PLCB1: variants seen among roughly 807,000 people sequenced by gnomAD.
PLCB1 encodes the protein phospholipase C beta 1, also known as 1-phosphatidylinositol 4,5-bisphosphate phosphodiesterase beta-1.
In PLCB1, 46 loss-of-function variants were observed where a neutral mutation model predicts 161.8. The observed-to-expected ratio is 0.28, with a 90% CI of 0.22 to 0.36. The LOEUF (loss-of-function observed/expected upper bound fraction) is 0.36. Among genes scored for constraint, PLCB1 ranks in the 10% least tolerant of loss-of-function variants. The probability of loss-of-function intolerance (pLI) is 1.00; values close to 1 mark genes in which losing one functional copy is unlikely to be tolerated. For synonymous variants in PLCB1, 517 were observed against 503.7 expected (o/e 1.03, Z -0.35); for missense variants, 1,016 against 1,472.5 (o/e 0.69, Z 5.07).
At chr20:8,847,501 T>G (rs1275177060) in intron 31 of PLCB1, among the ~76,000 whole-genome samples, 1 of 152,110 alleles carries the variant, frequency 6.6e-6, no homozygotes, top group Non-Finnish European at 1.5e-5. Context: ...GGAAGGGAAT[T>G]TTGGTATCTT....
chr20:8,614,313 A>T (rs908439202), intron 3 of PLCB1, among the ~76,000 whole-genome samples: 1 of 152,000 alleles, frequency 6.6e-6, no homozygotes, highest in Non-Finnish European at 1.5e-5. Context: ...TAAGTAAATT[A>T]TCATTCAAGT....
chr20:8,664,707 A>G (rs1421939878), intron 9 of PLCB1, among the ~76,000 whole-genome samples: 5 of 152,174 alleles, frequency 3.3e-5, no homozygotes, highest in Non-Finnish European at 5.9e-5. Context: ...AGGCATGACT[A>G]TATCCAGGAG....
At chr20:8,133,792 A>G (rs936219879) in intron 1 of PLCB1, among the ~76,000 whole-genome samples, 9 of 152,208 alleles carry the variant, frequency 5.9e-5, no homozygotes, top group Admixed American at 6.5e-5. Context: ...TGACTAATAC[A>G]TCTCTTAATC....
chr20:8,726,641 A>G (rs1198566405), intron 16 of PLCB1, among the ~76,000 whole-genome samples: 1 of 151,986 alleles, frequency 6.6e-6, no homozygotes, highest in Non-Finnish European at 1.5e-5. Context: ...ACACAGGGGA[A>G]CCACGCCCAT....
chr20:8,723,916 A>G (rs1979785803), intron 15 of PLCB1, among the ~76,000 whole-genome samples: 1 of 151,288 alleles, frequency 6.6e-6, no homozygotes, highest in Non-Finnish European at 1.5e-5. Context: ...GCCCATTTCC[A>G]CAAAGCAATC....
At chr20:8,277,080 A>C (rs1429479572) in intron 2 of PLCB1, among the ~76,000 whole-genome samples, 1 of 150,886 alleles carries the variant, frequency 6.6e-6, no homozygotes, top group East Asian at 2.0e-4. Flanking sequence ...GGCTCACTGC[A>C]GCCTCCACCT....
chr20:8,859,523 A>G (rs1202103257), intron 31 of PLCB1, among the ~76,000 whole-genome samples: 2 of 152,202 alleles, frequency 1.3e-5, no homozygotes, highest in African/African-American at 4.8e-5. Context: ...GCTGAATTGA[A>G]TAACTTTTCC....
At chr20:8,857,280 G>C (rs546710139) in intron 31 of PLCB1, among the ~76,000 whole-genome samples, 6 of 152,032 alleles carry the variant, frequency 3.9e-5, no homozygotes, top group African/African-American at 1.4e-4. Context: ...AAGAATGGTG[G>C]GTTTTTGAAA....
chr20:8,312,893 G>A (rs1056361888), intron 2 of PLCB1, among the ~76,000 whole-genome samples: 7 of 151,870 alleles, frequency 4.6e-5, no homozygotes, highest in East Asian at 1.9e-4. Flanking sequence ...AATTGTCACC[G>A]TTTGAAGAGT....
rs766860069 is a variant in PLCB1, at chr20:8,790,141, G to T, written c.3337-34G>T. 13 of 1,469,124 alleles carry T rather than the reference G, an allele frequency of 8.8e-6. No homozygotes were observed. The Admixed American group carries it at 2.2e-4, about 25-fold the overall frequency. 91.0% of individuals were successfully genotyped at this position (1,469,124 alleles called of 1,614,324 possible). On this transcript the variant is annotated intron_variant, in intron 30 of 31. Coordinates refer to ENST00000338037, the MANE Select transcript of PLCB1 (RefSeq NM_015192.4). ...GAAAACGTGCACTTTTAAATGTTTAGATGAAAGTAATGTTTCTTGTAACTT... is the reference window on the plus strand; with the variant it reads ...GAAAACGTGCACTTTTAAATGTTTATATGAAAGTAATGTTTCTTGTAACTT...
At chr20:8,852,006 A>G (rs1386888303) in intron 31 of PLCB1, among the ~76,000 whole-genome samples, 2 of 152,090 alleles carry the variant, frequency 1.3e-5, no homozygotes, top group East Asian at 3.9e-4. Context: ...ATTTTTAAAA[A>G]CCCGACTACA....
intron 1 of PLCB1, among the ~76,000 whole-genome samples, chr20:8,146,314 C>T (rs993289040): frequency 1.9e-4 from 29 of 152,304 alleles, no homozygotes; most frequent in African/African-American, 5.8e-4. Context: ...CCCATACCAG[C>T]TTAACTGGCT....
chr20:8,256,128 C>A (rs1981399789), intron 2 of PLCB1, among the ~76,000 whole-genome samples: 1 of 152,072 alleles, frequency 6.6e-6, no homozygotes, highest in African/African-American at 2.4e-5. Context: ...ACACATTTCT[C>A]AGAAATTATC....
intron 3 of PLCB1, among the ~76,000 whole-genome samples, chr20:8,544,159 G>A (rs1001651883): frequency 1.3e-5 from 2 of 151,988 alleles, no homozygotes; most frequent in African/African-American, 2.4e-5. Context: ...GATGTACCTC[G>A]GGTTCTAAAG....
chr20:8,774,465 A>G, intron 26 of PLCB1, 74 bp from the exon 27 acceptor site: 1 of 1,386,730 alleles, frequency 7.2e-7, no homozygotes, highest in Non-Finnish European at 9.8e-7. Context: ...TCTAGGAGGA[A>G]TTCTGGTGAA....
chr20:8,508,496 A>G (rs1010969967), intron 3 of PLCB1, among the ~76,000 whole-genome samples: 1 of 152,208 alleles, frequency 6.6e-6, no homozygotes, highest in Non-Finnish European at 1.5e-5. Flanking sequence ...TTTAGATGGT[A>G]AAGATGGCTG....
intron 3 of PLCB1, among the ~76,000 whole-genome samples, chr20:8,532,822 A>T (rs1302586152): frequency 1.3e-5 from 2 of 152,024 alleles, no homozygotes; most frequent in Non-Finnish European, 2.9e-5. Context: ...GGATGAATGG[A>T]AGGAGGAAAT....
intron 3 of PLCB1, among the ~76,000 whole-genome samples, chr20:8,451,285 T>C (rs1377559289): frequency 6.6e-6 from 1 of 152,216 alleles, no homozygotes; most frequent in Non-Finnish European, 1.5e-5. Context: ...AATTTGCATT[T>C]GGATAAAAAT....
intron 2 of PLCB1, among the ~76,000 whole-genome samples, chr20:8,164,183 G>A (rs1308653171): frequency 6.6e-6 from 1 of 152,108 alleles, no homozygotes; most frequent in Non-Finnish European, 1.5e-5. Flanking sequence ...ATGAGTCCTT[G>A]GCAAAGGATT....
Sources: gnomAD v4.1 joint callset for allele counts (sites outside exome capture counted in the v4.1 genomes callset) on GRCh38, gnomAD v4.1.1 for gene constraint, MANE v1.5 for transcripts, NCBI Gene and HGNC (gene_info 2026-07-23, HGNC 2026-07-21) for gene names.